Variants in PARD3B observed in about 807,000 individuals in gnomAD.
The protein encoded by PARD3B is par-3 family cell polarity regulator beta.
PARD3B carries 103 observed loss-of-function variants against 130.2 expected under a neutral mutation model. The observed-to-expected ratio is 0.79, with a 90% CI of 0.67 to 0.93. The LOEUF (loss-of-function observed/expected upper bound fraction) is 0.93, where lower values mean the gene tolerates loss of function less well. Ranked by LOEUF, PARD3B falls within the 40% of genes least tolerant of loss-of-function variation. The probability of loss-of-function intolerance (pLI) is 0.00; values close to 1 mark genes in which losing one functional copy is unlikely to be tolerated. For missense variants in PARD3B, 1,609 were observed against 1,499.2 expected (o/e 1.07, Z -1.21); for synonymous variants, 583 against 553.2 (o/e 1.05, Z -0.76).
chr2:205,348,197 C>G (rs1321661794), intron 18 of PARD3B: 3 of 152,178 alleles, frequency 2.0e-5, no homozygotes, highest in African/African-American at 7.2e-5. Flanking sequence ...AGGCTGTGAG[C>G]TCTATTTGCA....
At chr2:204,818,331 A>G (rs1187830309) in intron 2 of PARD3B, among the ~76,000 whole-genome samples, 2 of 152,202 alleles carry the variant, frequency 1.3e-5, no homozygotes, top group East Asian at 3.8e-4. Flanking sequence ...GAACAAATGA[A>G]AGTAGATATT....
At chr2:204,938,841 G>A (rs1688665764) in intron 2 of PARD3B, among the ~76,000 whole-genome samples, 1 of 152,100 alleles carries the variant, frequency 6.6e-6, no homozygotes, top group African/African-American at 2.4e-5. Context: ...TATACCCGTA[G>A]CCCAGTGTAG....
chr2:204,612,306 T>C (rs953738627), intron 1 of PARD3B, among the ~76,000 whole-genome samples: 7 of 152,196 alleles, frequency 4.6e-5, no homozygotes, highest in African/African-American at 1.7e-4. Flanking sequence ...GGCCTGATTT[T>C]TAAGCAACAG....
rs60496809 is a variant in PARD3B, at chr2:204,645,369, C to T, written c.121-40812C>T. Among the ~76,000 whole-genome samples the T allele has an allele frequency of 2.0e-3, 306 of 152,106 alleles. 2 individuals are homozygous for T. Among genetic ancestry groups the T allele is most frequent in the Middle Eastern group, 6.8e-3 (2 of 294 alleles). On this transcript the variant is annotated intron_variant, in intron 1 of 22. Transcript: ENST00000406610. ...TAGGCAATGACTCATACATATTTTG[C>T]TGATTGTTTTTGTAATAAAAATTAT...
chr2:205,156,315 T>G (rs566544639), intron 10 of PARD3B, among the ~76,000 whole-genome samples: 6 of 150,580 alleles, frequency 4.0e-5, no homozygotes, highest in Non-Finnish European at 7.4e-5. Flanking sequence ...TAATGCTAAA[T>G]GACGAGTTAA....
At chr2:205,106,632 A>G (rs1284219877) in intron 5 of PARD3B, among the ~76,000 whole-genome samples, 8 of 151,994 alleles carry the variant, frequency 5.3e-5, no homozygotes, top group Non-Finnish European at 2.9e-5. Context: ...CTAGAGACTT[A>G]ATTGACACCC....
At chr2:204,932,832 T>C (rs1298083932) in intron 2 of PARD3B, among the ~76,000 whole-genome samples, 1 of 152,206 alleles carries the variant, frequency 6.6e-6, no homozygotes, top group Non-Finnish European at 1.5e-5. Context: ...CACTAGTCAG[T>C]GACAGCTCAT....
intron 1 of PARD3B, among the ~76,000 whole-genome samples, chr2:204,614,485 G>A (rs1371790353): frequency 6.6e-6 from 1 of 152,076 alleles, no homozygotes; most frequent in African/African-American, 2.4e-5. Flanking sequence ...AATATTTACT[G>A]TATTGGAAAC....
At chr2:204,965,436 T>C in intron 3 of PARD3B, 113 bp downstream of exon 3, 1 of 1,157,408 alleles carries the variant, frequency 8.6e-7, no homozygotes, top group South Asian at 1.6e-5. Context: ...TATATCGTGG[T>C]TTATCTTTTC....
At chr2:205,574,852 G>A (rs571958880) in intron 22 of PARD3B, among the ~76,000 whole-genome samples, 19 of 69,336 alleles carry the variant, frequency 2.7e-4, no homozygotes, top group African/African-American at 6.8e-4. Context: ...AGTCACTGAG[G>A]AGTAAAAAAA....
intron 2 of PARD3B, among the ~76,000 whole-genome samples, chr2:204,747,679 A>C (rs1211121102): frequency 6.6e-6 from 1 of 152,196 alleles, no homozygotes; most frequent in African/African-American, 2.4e-5. Flanking sequence ...TTCAAACTAT[A>C]CTACAAGGCT....
intron 5 of PARD3B, among the ~76,000 whole-genome samples, chr2:205,104,819 T>C (rs1703086938): frequency 1.3e-5 from 2 of 152,212 alleles, no homozygotes; most frequent in South Asian, 2.1e-4. Flanking sequence ...GAGGTCATTG[T>C]GGTGGTTTTA....
intron 2 of PARD3B, among the ~76,000 whole-genome samples, chr2:204,794,377 C>G (rs116364391): frequency 0.019 from 2,843 of 152,262 alleles, 33 homozygotes; most frequent in Middle Eastern, 0.068. Flanking sequence ...TCATGATGCA[C>G]TAGCGTATGG....
chr2:204,859,279 T>A (rs1487945632), intron 2 of PARD3B, among the ~76,000 whole-genome samples: 1 of 152,118 alleles, frequency 6.6e-6, no homozygotes, highest in Non-Finnish European at 1.5e-5. Flanking sequence ...TGAATAAAAA[T>A]TTGGGAAATA....
At chr2:205,066,083 G>A (rs1002808549) in intron 4 of PARD3B, among the ~76,000 whole-genome samples, 2 of 152,004 alleles carry the variant, frequency 1.3e-5, no homozygotes, top group African/African-American at 2.4e-5. Context: ...AGACTCTCTC[G>A]GGTCTGGGAA....
chr2:204,921,885 A>T (rs996564722), intron 2 of PARD3B, among the ~76,000 whole-genome samples: 1 of 152,174 alleles, frequency 6.6e-6, no homozygotes, highest in Non-Finnish European at 1.5e-5. Context: ...AAAAGGTGTG[A>T]CAGATGCAAA....
intron 6 of PARD3B, among the ~76,000 whole-genome samples, chr2:205,117,918 C>CACACACACACACACACAT (rs150240431): frequency 0.21 from 31,264 of 150,792 alleles, 3,591 homozygotes; most frequent in East Asian, 0.38. Context: ...TATGTGTGTA[C>CACACACACACACACACAT]ACACACACAC....
chr2:205,397,702 T>C lies in PARD3B; in HGVS notation c.2631-3311T>C, dbSNP rs1018783873. On this transcript the variant is annotated intron_variant, in intron 18 of 22. Coordinates refer to ENST00000406610, the MANE Select transcript of PARD3B (RefSeq NM_001302769.2). The surrounding 1 kb of genome is among the most constrained non-coding windows in gnomAD (Gnocchi z 4.8). ...ACCTGTAAAGCTTTTGGCAAAATTT[T>C]TGCCCTCATCAACCTCCTAAAGCAT... Among the ~76,000 whole-genome samples the C allele has an allele frequency of 3.9e-5, 6 of 152,154 alleles. No homozygotes were observed. Among genetic ancestry groups the C allele is most frequent in the Non-Finnish European group, 8.8e-5 (6 of 68,022 alleles).
intron 2 of PARD3B, among the ~76,000 whole-genome samples, chr2:204,897,630 A>G (rs1402866645): frequency 6.6e-6 from 1 of 152,118 alleles, no homozygotes; most frequent in African/African-American, 2.4e-5. Context: ...GGATATTGAC[A>G]GTGATACAGT....
Sources: gnomAD v4.1 joint callset for allele counts (sites outside exome capture counted in the v4.1 genomes callset) on GRCh38, gnomAD v4.1.1 for gene constraint, Gnocchi (gnomAD v3.1) non-coding constraint, MANE v1.5 for transcripts, NCBI Gene and HGNC (gene_info 2026-07-23, HGNC 2026-07-21) for gene names.